The following SF3B3 variants were observed in gnomAD, a reference collection of about 807,000 sequenced individuals.
The protein encoded by SF3B3 is splicing factor 3b subunit 3, also known as SAP 130.
SF3B3 carries 33 observed loss-of-function variants against 139.2 expected under a neutral mutation model. The ratio of observed to expected loss-of-function variants is 0.24; its 90% confidence interval spans 0.18 to 0.32. The LOEUF (loss-of-function observed/expected upper bound fraction) is 0.32, where lower values mean the gene tolerates loss of function less well. Ranked by LOEUF, SF3B3 falls within the 10% of genes least tolerant of loss-of-function variation. The probability of loss-of-function intolerance (pLI) is 1.00; values close to 1 mark genes in which losing one functional copy is unlikely to be tolerated. For missense variants in SF3B3, 818 were observed against 1,509.4 expected (o/e 0.54, Z 7.59); for synonymous variants, 596 against 563.6 (o/e 1.06, Z -0.81).
At chr16:70,559,619 G>A (rs1283206235) in intron 15 of SF3B3, among the ~76,000 whole-genome samples, 1 of 152,128 alleles carries the variant, frequency 6.6e-6, no homozygotes, top group Non-Finnish European at 1.5e-5. Context: ...CCTGGGAGGT[G>A]GAGGCTGCAG....
chr16:70,550,687 C>G (rs1265392744), intron 11 of SF3B3: 9 of 984,462 alleles, frequency 9.1e-6, no homozygotes, highest in Non-Finnish European at 9.6e-6. Flanking sequence ...AGGTGTGTAC[C>G]TAACTGCTAG....
chr16:70,541,909 T>A, intron 9 of SF3B3, 75 bp downstream of exon 9: 1 of 1,333,962 alleles, frequency 7.5e-7, no homozygotes, highest in Non-Finnish European at 1.0e-6. Context: ...AATAGCTTTA[T>A]TAGTATTTCC....
At chr16:70,540,424 CTG>C (rs2050208832) in intron 8 of SF3B3, among the ~76,000 whole-genome samples, 1 of 151,964 alleles carries the variant, frequency 6.6e-6, no homozygotes. Context: ...GAGTCTTACT[CTG>C]TTTCCCAGGA....
chr16:70,532,216 T>C (rs1412851193), intron 4 of SF3B3, among the ~76,000 whole-genome samples: 2 of 150,986 alleles, frequency 1.3e-5, no homozygotes, highest in African/African-American at 4.9e-5. Context: ...CACTTGAACC[T>C]GGGAGGTGGA....
At chr16:70,548,549 A>G in intron 11 of SF3B3, 107 bp downstream of exon 11, 9 of 964,126 alleles carry the variant, frequency 9.3e-6, no homozygotes, top group Admixed American at 3.8e-5. Flanking sequence ...ATTTAGCACC[A>G]TATACCAGAA....
chr16:70,545,603 C>T (rs186931917), intron 10 of SF3B3, among the ~76,000 whole-genome samples: 42 of 152,240 alleles, frequency 2.8e-4, no homozygotes, highest in Non-Finnish European at 5.0e-4. Context: ...TTGTTTTGAG[C>T]GCTTGGGAAT....
intron 4 of SF3B3, among the ~76,000 whole-genome samples, chr16:70,532,254 T>C (rs2050128223): frequency 6.7e-6 from 1 of 149,628 alleles, no homozygotes; most frequent in Non-Finnish European, 1.5e-5. Flanking sequence ...ATCGTGCCAT[T>C]GCACTCCAGC....
intron 10 of SF3B3, among the ~76,000 whole-genome samples, chr16:70,545,828 T>C (rs1445408788): frequency 6.6e-6 from 1 of 152,196 alleles, no homozygotes; most frequent in African/African-American, 2.4e-5. Context: ...TAGCTTAAGG[T>C]ATGGCATGAA....
At position 70,529,085 on chromosome 16, in the gene SF3B3, T is replaced by C. The variant is rs1180665140; in HGVS notation, c.283T>C (p.Ser95Pro). 6.2e-7 allele frequency: 1 copy of C among 1,614,188 alleles called. No homozygotes were observed. The highest frequency in any genetic ancestry group is 8.5e-7 in the Non-Finnish European group (1 of 1,180,008). The change falls in exon 3 of 26, where the codon TCT becomes CCT. Residue 95 changes from serine (S) to proline (P), a missense_variant. Physicochemically the swap from Ser to Pro is moderately conservative, Grantham distance 74 (BLOSUM62 -1). Coordinates refer to ENST00000302516, the MANE Select transcript of SF3B3 (RefSeq NM_012426.5). Reference protein sequence around the residue: ...GRIVILEYQPSKNMFEKIHQE... With the variant: ...GRIVILEYQPPKNMFEKIHQE... ...AATTGTTATTTTGGAATACCAGCCA[T>C]CTAAGAATATGTTTGAGAAGATTCA...
At chr16:70,528,749 C>T in intron 2 of SF3B3, 124 bp from the exon 3 acceptor site, 2 of 653,394 alleles carry the variant, frequency 3.1e-6, no homozygotes, top group Non-Finnish European at 5.3e-6. Flanking sequence ...TCCCGAGTAG[C>T]TGGGATTACA....
chr16:70,564,980 T>G lies in SF3B3; in HGVS notation c.2464-85T>G, dbSNP rs1056865419. 4.0e-6 allele frequency: 5 copies of G among 1,249,958 alleles called. No homozygotes were observed. The African/African-American group carries it at 7.4e-5, about 18-fold the overall frequency. The allele number at this position is 1,249,958 out of a possible 1,614,324, so 77.4% of individuals were successfully genotyped here. A position where few individuals can be genotyped will look rare whatever the true frequency, so the allele number is the denominator to read the frequency against. On this transcript the variant is annotated intron_variant, in intron 18 of 25. Transcript: ENST00000302516. ...GCTGCTTTATGTATTGAGAACCCCCTGGAGTGTTCTTGCTACCTATCCTCT... is the reference window on the plus strand; with the variant it reads ...GCTGCTTTATGTATTGAGAACCCCCGGGAGTGTTCTTGCTACCTATCCTCT...
intron 2 of SF3B3, among the ~76,000 whole-genome samples, 181 bp from the exon 3 acceptor site, chr16:70,528,692 A>C (rs981967187): frequency 2.6e-5 from 4 of 151,830 alleles, no homozygotes; most frequent in Non-Finnish European, 4.4e-5. Context: ...GTCTTGGCTC[A>C]CAGCAACCTC....
At chr16:70,548,888 T>A (rs186937565) in intron 11 of SF3B3, among the ~76,000 whole-genome samples, 3 of 152,244 alleles carry the variant, frequency 2.0e-5, no homozygotes, top group African/African-American at 7.2e-5. Flanking sequence ...TAGTCAATCT[T>A]GCTAGTGCTT....
intron 2 of SF3B3, 43 bp from the exon 3 acceptor site, chr16:70,528,830 C>G: frequency 6.8e-7 from 1 of 1,463,066 alleles, no homozygotes. Context: ...GGTGGCCAGG[C>G]TGGGTTCTGG....
chr16:70,526,123 C>T (rs1020200249), intron 1 of SF3B3, among the ~76,000 whole-genome samples: 1 of 152,046 alleles, frequency 6.6e-6, no homozygotes, highest in African/African-American at 2.4e-5. Context: ...TCATAATTCT[C>T]TCTTCTCGTT....
At chr16:70,546,901 G>A (rs747227138) in intron 10 of SF3B3, among the ~76,000 whole-genome samples, 45 of 151,984 alleles carry the variant, frequency 3.0e-4, no homozygotes, top group African/African-American at 9.4e-4. Context: ...GGTGGCGGGC[G>A]CCTGTAGTCC....
intron 1 of SF3B3, among the ~76,000 whole-genome samples, chr16:70,524,277 C>G (rs1450398319): frequency 1.3e-5 from 2 of 151,994 alleles, no homozygotes; most frequent in African/African-American, 4.8e-5. Context: ...AAAGATGGAG[C>G]GTGTTAAAAG....
intron 12 of SF3B3, 29 bp from the exon 13 acceptor site, chr16:70,555,022 G>A (rs764728039): frequency 1.9e-6 from 3 of 1,607,008 alleles, no homozygotes; most frequent in Non-Finnish European, 2.6e-6. Flanking sequence ...AATTGTTAAA[G>A]TCAGGTTTCT....
intron 21 of SF3B3, among the ~76,000 whole-genome samples, chr16:70,567,832 C>T (rs1046060099): frequency 2.6e-5 from 4 of 152,102 alleles, no homozygotes; most frequent in Non-Finnish European, 4.4e-5. Flanking sequence ...ATTACAGATG[C>T]GCGCCACCAC....
Sources: allele counts gnomAD v4.1 joint callset (sites outside exome capture counted in the v4.1 genomes callset), GRCh38; gene constraint gnomAD v4.1.1; transcripts MANE v1.5; gene names NCBI Gene and HGNC (gene_info 2026-07-23, HGNC 2026-07-21).